INTS6: variants seen among roughly 807,000 people sequenced by gnomAD.
INTS6 encodes the protein DEAD box protein.
A neutral mutation model predicts 104.9 loss-of-function variants in INTS6; 16 were observed. The observed-to-expected ratio is 0.15, with a 90% CI of 0.10 to 0.23. The LOEUF (loss-of-function observed/expected upper bound fraction) is 0.23, where lower values mean the gene tolerates loss of function less well. Ranked by LOEUF, INTS6 falls within the 10% of genes least tolerant of loss-of-function variation. INTS6 has a pLI of 1.00. For missense variants in INTS6, 584 were observed against 1,062.8 expected, an observed-to-expected ratio of 0.55 and a Z score of 6.26; for synonymous variants, 324 against 358.7, an observed-to-expected ratio of 0.90 and a Z score of 1.09.
At chr13:51,369,922 G>A (rs928100815) in intron 15 of INTS6, among the ~76,000 whole-genome samples, 4 of 152,112 alleles carry the variant, frequency 2.6e-5, no homozygotes, top group African/African-American at 7.2e-5. Flanking sequence ...CTGAAAGCTC[G>A]CAAGCCTTCC....
At chr13:51,360,804 C>T (rs1955562739), downstream of INTS6, among the ~76,000 whole-genome samples, 2 of 151,946 alleles carry the variant, frequency 1.3e-5, no homozygotes, top group African/African-American at 4.8e-5. Context: ...TTAAAAGTGG[C>T]TCTTAAAGTG....
In INTS6 at chr13:51,378,404, T is replaced by C. The variant is rs1270571576; in HGVS notation, c.1437A>G (p.Val479=). 1.2e-6 allele frequency: 2 copies of C among 1,613,448 alleles called. No individual in the cohort carries two copies. The highest frequency in any genetic ancestry group is 4.5e-5 in the East Asian group (2 of 44,850). ...TCCGGACTTTTATTCCAGTCTCCTG[T>C]ACTACTTTTTTGCCTACAGATCCAA... ...RVIGSVGKKV[V]QETGIKVRSR... The change falls in exon 12 of 18, where the codon GTA becomes GTG. Residue 479 remains valine (V), a synonymous_variant. Transcript: ENST00000311234.
downstream of INTS6, chr13:51,361,230 G>C: frequency 8.1e-7 from 1 of 1,241,300 alleles, no homozygotes; most frequent in Non-Finnish European, 1.2e-6. Context: ...AAATGTGTTA[G>C]AAAAATGTTA....
rs576687999 is a variant in INTS6 at position 51,407,283 on chromosome 13, A to G, written c.430-11800T>C. On this transcript the variant is annotated intron_variant, in intron 4 of 17. Transcript: ENST00000311234. ...GAACCTAATAAATATGGCTGAATGA[A>G]TACATGGATGGATGAATAAATAATG... Among the ~76,000 whole-genome samples, 5 of 152,358 alleles carry G rather than the reference A, an allele frequency of 3.3e-5. No homozygotes were observed. The East Asian group carries it at 9.6e-4, about 29-fold the overall frequency.
Position 51,364,025 on chromosome 13 carries a change from C to G in INTS6, c.*1727G>C, listed in dbSNP as rs1464352181. 3.0e-6 allele frequency: 1 copy of G among 333,670 alleles called. No homozygotes were observed. The highest frequency in any genetic ancestry group is 5.3e-6 in the Non-Finnish European group (1 of 187,576). The allele number at this position is 333,670 out of a possible 1,614,324, so 20.7% of individuals were successfully genotyped here. ...TAATTCCTCCTAGTAATTCCAGAAT[C>G]TAAATATATATAATTTAGGAACAGA... On this transcript the variant is annotated 3_prime_UTR_variant, in exon 18 of 18. Coordinates refer to ENST00000311234, the MANE Select transcript of INTS6 (RefSeq NM_012141.3).
chr13:51,429,191 C>T (rs954306564), intron 4 of INTS6, among the ~76,000 whole-genome samples: 2 of 152,164 alleles, frequency 1.3e-5, no homozygotes, highest in African/African-American at 4.8e-5. Flanking sequence ...CACAATGTCA[C>T]ACAAATAAAG....
At chr13:51,368,867 C>CTTTTTTT in intron 16 of INTS6, 72 bp downstream of exon 16, 2 of 1,431,890 alleles carry the variant, frequency 1.4e-6, no homozygotes, top group African/African-American at 1.4e-5. Context: ...AGTTACTTGA[C>CTTTTTTT]TTTTTTTTTC....
chr13:51,389,297 T>G, intron 6 of INTS6, 22 bp downstream of exon 6: 1 of 1,602,900 alleles, frequency 6.2e-7, no homozygotes, highest in Non-Finnish European at 8.5e-7. Context: ...TTTGAATGTC[T>G]AAAAGAAAAG....
At chr13:51,340,341 A>C in the INTS6 span, among the ~76,000 whole-genome samples, 4 of 152,166 alleles carry the variant, frequency 2.6e-5, no homozygotes, top group Non-Finnish European at 1.5e-5. Context: ...GGAAGAGTAC[A>C]TTTCTGGGGT....
intron 3 of INTS6, chr13:51,439,482 A>C (rs1952752622): frequency 6.6e-6 from 1 of 152,182 alleles, no homozygotes; most frequent in Non-Finnish European, 1.5e-5. Flanking sequence ...CCAATTATAT[A>C]TGCCCTTCAA....
the INTS6 span, among the ~76,000 whole-genome samples, chr13:51,337,049 A>T: frequency 6.6e-6 from 1 of 152,224 alleles, no homozygotes; most frequent in Admixed American, 6.6e-5. Flanking sequence ...CTGGCTGTGC[A>T]GCACCATGTG....
chr13:51,430,196 A>G, intron 4 of INTS6, 98 bp downstream of exon 4: 2 of 953,430 alleles, frequency 2.1e-6, no homozygotes, highest in Non-Finnish European at 3.3e-6. Flanking sequence ...GCATCAAATA[A>G]TCAACGAGAG....
downstream of INTS6, among the ~76,000 whole-genome samples, chr13:51,359,229 A>C (rs1435710144): frequency 6.6e-6 from 1 of 152,054 alleles, no homozygotes. Flanking sequence ...GGTTCATTTC[A>C]TTAGTTCTGT....
At chr13:51,385,493 C>T (rs1410836894) in intron 7 of INTS6, among the ~76,000 whole-genome samples, 1 of 151,856 alleles carries the variant, frequency 6.6e-6, no homozygotes, top group Admixed American at 6.6e-5. Context: ...AGGGAAAGAT[C>T]CTCTAGAACT....
chr13:51,368,867 C>CT (rs141440216), intron 16 of INTS6, 72 bp downstream of exon 16: 650 of 1,427,746 alleles, frequency 4.6e-4, no homozygotes, highest in Middle Eastern at 1.1e-3. Flanking sequence ...AGTTACTTGA[C>CT]TTTTTTTTTC....
downstream of INTS6, chr13:51,361,325 G>C (rs1458154823): frequency 6.2e-7 from 1 of 1,610,418 alleles, no homozygotes; most frequent in Non-Finnish European, 8.5e-7. Context: ...GGCCAAGATT[G>C]AAGTTTTGGA....
At chr13:51,420,467 A>T (rs934120721) in intron 4 of INTS6, among the ~76,000 whole-genome samples, 1 of 152,088 alleles carries the variant, frequency 6.6e-6, no homozygotes, top group Non-Finnish European at 1.5e-5. Context: ...AGAGGCCCAG[A>T]ATTAAACTTT....
rs1481212191 is a variant in INTS6, at chr13:51,374,787, T to C, written c.1739A>G (p.His580Arg). The C allele has an allele frequency of 6.2e-7, 1 of 1,611,936 alleles. No homozygotes were observed. Residue 580 changes from histidine to arginine, a missense_variant, in exon 14 of 18, where the codon CAC becomes CGC. Physicochemically the swap from His to Arg is conservative, Grantham distance 29 (BLOSUM62 0). Around this residue, in one of 5 missense-constraint regions of INTS6, gnomAD observed 296 missense variants for 437.0 expected, o/e 0.68. Transcript: ENST00000311234. ...CCCCATTTGTGCTATAGGAACACTG[T>C]GCACTTGATCTTTCAAAAAGAATAC... ...FLKGQDEDQV[H>R]SVPIAQMGNY...
chr13:51,362,123 T>A lies in INTS6; in HGVS notation c.*3629A>T. The A allele has an allele frequency of 7.2e-7, 1 of 1,388,418 alleles. No individual in the cohort carries two copies. Among genetic ancestry groups the A allele is most frequent in the Non-Finnish European group, 9.4e-7 (1 of 1,062,702 alleles). The allele number at this position is 1,388,418 out of a possible 1,614,324, so 86.0% of individuals were successfully genotyped here. On this transcript the variant is annotated 3_prime_UTR_variant, in exon 18 of 18. Transcript: ENST00000311234. The stretch of plus-strand genomic sequence containing the variant: ...TACCTTCTCATTCTCTCAGCTCATA[T>A]ATAGTTAATGTAGATTTTTTTTTTT...
Sources: gnomAD v4.1 joint callset for allele counts (sites outside exome capture counted in the v4.1 genomes callset) on GRCh38, gnomAD v4.1.1 for gene constraint, gnomAD v4.1.1 regional missense constraint, MANE v1.5 for transcripts, NCBI Gene and HGNC (gene_info 2026-07-23, HGNC 2026-07-21) for gene names.